The following LPGAT1 variants were observed in gnomAD, a reference collection of about 807,000 sequenced individuals.
LPGAT1 encodes acyl-CoA:lysophosphatidylglycerol acyltransferase 1.
Under a neutral mutation model 47.5 loss-of-function variants are expected in LPGAT1, and 11 were observed. The ratio of observed to expected loss-of-function variants is 0.23; its 90% CI spans 0.15 to 0.38. LPGAT1 has a LOEUF of 0.38. LPGAT1 is among the 10% of genes least tolerant of loss of function. LPGAT1 has a pLI of 1.00. For synonymous variants in LPGAT1, 138 were observed against 144.2 expected, an observed-to-expected ratio of 0.96 and a Z score of 0.31; for missense variants, 293 against 439.0, an observed-to-expected ratio of 0.67 and a Z score of 2.97.
At position 211,749,826 on chromosome 1, in the gene LPGAT1, C is replaced by A; in HGVS notation, c.*73G>T. The A allele has an allele frequency of 1.4e-6, 2 of 1,421,734 alleles. No individual in the cohort carries two copies. Among genetic ancestry groups the A allele is most frequent in the South Asian group, 1.2e-5 (1 of 80,368 alleles). 88.1% of individuals were successfully genotyped at this position (1,421,734 alleles called of 1,614,324 possible). A position where few individuals can be genotyped will look rare whatever the true frequency, so the allele number is the denominator to read the frequency against. The stretch of plus-strand genomic sequence containing the variant: ...TTTTTTAAATATATTCTGATTTGCA[C>A]ATGTAAAATAATGCACACTTATGAA... On this transcript the variant is annotated 3_prime_UTR_variant, in exon 8 of 8. Coordinates refer to ENST00000366997, the MANE Select transcript of LPGAT1 (RefSeq NM_014873.3).
chr1:211,782,293 C>T (rs574358490), intron 5 of LPGAT1, among the ~76,000 whole-genome samples: 1 of 152,256 alleles, frequency 6.6e-6, no homozygotes, highest in South Asian at 2.1e-4. Context: ...AAATAATTGG[C>T]TATTATAAAT....
intron 6 of LPGAT1, among the ~76,000 whole-genome samples, chr1:211,758,028 C>G (rs1571695958): frequency 6.6e-6 from 1 of 152,316 alleles, no homozygotes; most frequent in East Asian, 1.9e-4. Flanking sequence ...GAAAAATGTT[C>G]TGTGCTCACC....
Position 211,830,451 on chromosome 1 carries a change from C to T in LPGAT1, c.-28+122G>A. On this transcript the variant is annotated intron_variant, in intron 1 of 7. Coordinates refer to ENST00000366997, the MANE Select transcript of LPGAT1 (RefSeq NM_014873.3). This position sits in a 1 kb window ranked among gnomAD's most constrained non-coding sequence, Gnocchi z 5.9. ...CCCGGGGCCTACCGCGCCCTCGTCC[C>T]TCAGGCCGCTGCCGCCTCCCCGGGC... 8.5e-7 allele frequency: 1 copy of T among 1,180,674 alleles called. No homozygotes were observed. The highest frequency in any genetic ancestry group is 1.0e-6 in the Non-Finnish European group (1 of 952,998). The allele number at this position is 1,180,674 out of a possible 1,614,324, so 73.1% of individuals were successfully genotyped here.
At chr1:211,800,778 G>A (rs181422733) in intron 2 of LPGAT1, among the ~76,000 whole-genome samples, 93 of 152,322 alleles carry the variant, frequency 6.1e-4, no homozygotes, top group African/African-American at 2.1e-3. Context: ...GGTAAAATCA[G>A]GGTGAGGTTA....
chr1:211,816,136 T>G (rs542189070), intron 2 of LPGAT1, among the ~76,000 whole-genome samples: 2 of 152,252 alleles, frequency 1.3e-5, no homozygotes, highest in Non-Finnish European at 2.9e-5. Flanking sequence ...CAACTCCTAC[T>G]GATTCCTCAG....
intron 2 of LPGAT1, among the ~76,000 whole-genome samples, chr1:211,799,995 T>A (rs1659507168): frequency 6.7e-6 from 1 of 149,638 alleles, no homozygotes; most frequent in Non-Finnish European, 1.5e-5. Context: ...TCAAAATACA[T>A]TCAGATCCTC....
chr1:211,760,136 T>C (rs528223731), intron 6 of LPGAT1, among the ~76,000 whole-genome samples: 1 of 152,302 alleles, frequency 6.6e-6, no homozygotes, highest in South Asian at 2.1e-4. Context: ...GACATATTCG[T>C]GGAAATCCAT....
chr1:211,752,837 G>C (rs1358681639), intron 6 of LPGAT1, among the ~76,000 whole-genome samples: 1 of 151,968 alleles, frequency 6.6e-6, no homozygotes, highest in Non-Finnish European at 1.5e-5. Flanking sequence ...CTCAAGCTTT[G>C]TGCCTAATAA....
intron 2 of LPGAT1, among the ~76,000 whole-genome samples, chr1:211,818,263 G>A (rs1660249510): frequency 6.6e-6 from 1 of 152,080 alleles, no homozygotes. Context: ...CATCACCCAA[G>A]TCTCTGGGAT....
rs188004273 is a variant in LPGAT1, at chr1:211,798,094, G to C, written c.239-4904C>G. On this transcript the variant is annotated intron_variant, in intron 2 of 7. Coordinates refer to ENST00000366997, the MANE Select transcript of LPGAT1 (RefSeq NM_014873.3). ...ACCCATCAAAAACTCCTTAACAACA[G>C]TGACACTAAAGCCATTATACTGGCC... 3.4e-3 allele frequency among the ~76,000 whole-genome samples: 515 copies of C among 152,168 alleles called. 7 individuals are homozygous for C. The highest frequency in any genetic ancestry group is 4.7e-3 in the Non-Finnish European group (321 of 67,998).
chr1:211,769,865 C>T (rs1215862924), intron 6 of LPGAT1, among the ~76,000 whole-genome samples: 4 of 152,104 alleles, frequency 2.6e-5, no homozygotes, highest in African/African-American at 9.7e-5. Context: ...GTATCTTGTG[C>T]CATAACCTCT....
intron 2 of LPGAT1, among the ~76,000 whole-genome samples, chr1:211,801,537 C>G (rs925019910): frequency 1.3e-5 from 2 of 151,840 alleles, no homozygotes; most frequent in African/African-American, 4.8e-5. Flanking sequence ...AAAGCAAGAC[C>G]TCATCTCTAC....
At position 211,747,085 on chromosome 1, in the gene LPGAT1, T is replaced by C. The variant is rs12566620; in HGVS notation, c.*2814A>G. The C allele has an allele frequency of 0.083, 12,575 of 152,276 alleles. 649 individuals carry two copies. Among genetic ancestry groups the C allele is most frequent in the Admixed American group, 0.15 (2,296 of 15,292 alleles). The allele number at this position is 152,276 out of a possible 1,614,324, so 9.4% of individuals were successfully genotyped here. ...TCCTCTTGACAAAATATATATACTT[T>C]AAACGTCCTTTCATCTCCCTTCACA... On this transcript the variant is annotated 3_prime_UTR_variant, in exon 8 of 8. Transcript: ENST00000366997.
At chr1:211,807,127 T>G (rs1659789513) in intron 2 of LPGAT1, among the ~76,000 whole-genome samples, 2 of 152,054 alleles carry the variant, frequency 1.3e-5, no homozygotes, top group African/African-American at 4.8e-5. Flanking sequence ...ATATGAGAAA[T>G]GAACAACAGG....
intron 2 of LPGAT1, among the ~76,000 whole-genome samples, chr1:211,802,341 T>A (rs1334431554): frequency 3.3e-5 from 5 of 151,918 alleles, no homozygotes; most frequent in South Asian, 2.1e-4. Flanking sequence ...TACATAGTCA[T>A]GTATTGCCGG....
chr1:211,812,200 G>A (rs12728582), intron 2 of LPGAT1, among the ~76,000 whole-genome samples: 1 of 152,200 alleles, frequency 6.6e-6, no homozygotes, highest in African/African-American at 2.4e-5. Flanking sequence ...ACTGCAGAAT[G>A]AAGTAAAAAG....
chr1:211,767,666 A>T (rs1657974316), intron 6 of LPGAT1, among the ~76,000 whole-genome samples: 1 of 152,230 alleles, frequency 6.6e-6, no homozygotes, highest in African/African-American at 2.4e-5. Flanking sequence ...CAAAGCAATA[A>T]AAAACAAGTG....
rs1369967251 is a variant in LPGAT1, at chr1:211,744,400, T to C, written c.*5499A>G. ...GGCTTAATGAGTCTAATATGTACCA[T>C]GGTAAGAAACAGTTTTAACAGTAGA... is the stretch of plus-strand genomic sequence containing the variant. On this transcript the variant is annotated 3_prime_UTR_variant, in exon 8 of 8. Transcript: ENST00000366997. 2.6e-5 allele frequency: 4 copies of C among 152,212 alleles called. No individual in the cohort carries two copies. Among genetic ancestry groups the C allele is most frequent in the African/African-American group, 4.8e-5 (2 of 41,444 alleles). 9.4% of individuals were successfully genotyped at this position (152,212 alleles called of 1,614,324 possible).
At chr1:211,791,912 A>G (rs1035653233) in intron 3 of LPGAT1, among the ~76,000 whole-genome samples, 1 of 151,516 alleles carries the variant, frequency 6.6e-6, no homozygotes, top group Admixed American at 6.6e-5. Context: ...CATAACTACT[A>G]AGCCCTTAAT....
Sources: gnomAD v4.1 joint callset for allele counts (sites outside exome capture counted in the v4.1 genomes callset) on GRCh38, gnomAD v4.1.1 for gene constraint, Gnocchi (gnomAD v3.1) non-coding constraint, MANE v1.5 for transcripts, NCBI Gene and HGNC (gene_info 2026-07-23, HGNC 2026-07-21) for gene names.